Variants in CFAP54 observed in about 807,000 individuals in gnomAD.
The protein encoded by CFAP54 is cilia and flagella associated protein 54.
In CFAP54, 290 loss-of-function variants were observed where a neutral mutation model predicts 370.4. That is an observed-to-expected ratio of 0.78 (90% CI 0.71 to 0.86). The LOEUF (loss-of-function observed/expected upper bound fraction) is 0.86, where lower values mean the gene tolerates loss of function less well. Ranked by LOEUF, CFAP54 falls within the 40% of genes least tolerant of loss-of-function variation. CFAP54 has a pLI of 0.00. For synonymous variants in CFAP54, 1,206 were observed against 1,236.5 expected (o/e 0.98, Z 0.52); for missense variants, 3,399 against 3,528.7 (o/e 0.96, Z 0.93).
At chr12:96,829,144 G>C in intron 66 of CFAP54, 56 bp downstream of exon 66, 1 of 969,518 alleles carries the variant, frequency 1.0e-6, no homozygotes, top group South Asian at 1.7e-5. Flanking sequence ...TTATTGCTAT[G>C]AAATGGAAAT....
chr12:96,564,123 G>A (rs920912103), intron 17 of CFAP54, among the ~76,000 whole-genome samples: 4 of 152,120 alleles, frequency 2.6e-5, no homozygotes, highest in South Asian at 2.1e-4. Context: ...CAGCTTATTG[G>A]TATTGGTATC....
At chr12:96,573,698 GA>G (rs1157713214) in intron 19 of CFAP54, among the ~76,000 whole-genome samples, 1 of 152,182 alleles carries the variant, frequency 6.6e-6, no homozygotes, top group African/African-American at 2.4e-5. Flanking sequence ...GGCAATGGAG[GA>G]AACAGATGTC....
intron 31 of CFAP54, 128 bp from the exon 32 acceptor site, chr12:96,630,423 G>C (rs1956594538): frequency 1.6e-6 from 1 of 620,486 alleles, no homozygotes; most frequent in Non-Finnish European, 2.6e-6. Flanking sequence ...GCCTTTGATA[G>C]TAATTTTAAT....
chr12:96,594,234 G>A lies in CFAP54; in HGVS notation c.3361-57G>A, dbSNP rs1956153018. The A allele has an allele frequency of 2.5e-6, 3 of 1,223,664 alleles. No homozygotes were observed. The African/African-American group carries it at 4.5e-5, about 18-fold the overall frequency. 75.8% of individuals were successfully genotyped at this position (1,223,664 alleles called of 1,614,324 possible). ...ACATTTTCTACCCATTCTCCGTAGA[G>A]ACACATACGCTAAGCACCTATGTTC... On this transcript the variant is annotated intron_variant, in intron 24 of 67. Coordinates refer to ENST00000524981, the MANE Select transcript of CFAP54 (RefSeq NM_001306084.2).
chr12:96,854,491 A>G (rs940090741), intron 66 of CFAP54, among the ~76,000 whole-genome samples: 7 of 152,216 alleles, frequency 4.6e-5, no homozygotes, highest in Non-Finnish European at 1.0e-4. Context: ...GGTAAATGGC[A>G]TATGACTAAA....
intron 65 of CFAP54, among the ~76,000 whole-genome samples, chr12:96,818,628 C>T (rs1293649939): frequency 6.6e-6 from 1 of 152,244 alleles, no homozygotes. Flanking sequence ...AGTCATCTGG[C>T]ACACCTGTGT....
At chr12:96,618,894 T>G (rs565286874) in intron 26 of CFAP54, among the ~76,000 whole-genome samples, 2 of 152,108 alleles carry the variant, frequency 1.3e-5, no homozygotes, top group Admixed American at 6.5e-5. Flanking sequence ...GAATGTGTGT[T>G]TGTTTGTTTG....
At chr12:96,608,938 C>T (rs1314459930) in intron 26 of CFAP54, among the ~76,000 whole-genome samples, 1 of 152,140 alleles carries the variant, frequency 6.6e-6, no homozygotes, top group Non-Finnish European at 1.5e-5. Flanking sequence ...GTATATTGAT[C>T]ACTTCACTGA....
Position 96,630,544 on chromosome 12 carries a change from T to C in CFAP54, c.4216-7T>C. On this transcript the variant is annotated splice_polypyrimidine_tract_variant and splice_region_variant and intron_variant, in intron 31 of 67. Coordinates refer to ENST00000524981, the MANE Select transcript of CFAP54 (RefSeq NM_001306084.2). ...TTAACTTGTAACATTTTATCTCCTC[T>C]ATTAAGAGTGCAGAAATGCAACAAA... is the stretch of plus-strand genomic sequence containing the variant. 7.3e-7 allele frequency: 1 copy of C among 1,367,828 alleles called. No individual in the cohort carries two copies. The highest frequency in any genetic ancestry group is 9.7e-7 in the Non-Finnish European group (1 of 1,026,596). 84.7% of individuals were successfully genotyped at this position (1,367,828 alleles called of 1,614,324 possible).
intron 17 of CFAP54, among the ~76,000 whole-genome samples, chr12:96,563,190 C>T (rs1192049536): frequency 6.6e-6 from 1 of 152,100 alleles, no homozygotes; most frequent in Admixed American, 6.6e-5. Context: ...GAGTTTTGAT[C>T]ATAGACCACT....
chr12:96,787,696 G>A (rs1958642285), intron 62 of CFAP54, among the ~76,000 whole-genome samples: 1 of 152,168 alleles, frequency 6.6e-6, no homozygotes, highest in Non-Finnish European at 1.5e-5. Flanking sequence ...GATGGATAAA[G>A]CGTAGTCCCT....
rs531176566 is a variant in CFAP54 at position 96,505,059 on chromosome 12, C to T, written c.567+1030C>T. ...CTTTCTTTTCTTCCTTTCTTCCTTT[C>T]TTTCCTTTCTTTTCTTCTTTTTTTT... On this transcript the variant is annotated intron_variant, in intron 3 of 67. Coordinates refer to ENST00000524981, the MANE Select transcript of CFAP54 (RefSeq NM_001306084.2). 1.6e-3 allele frequency among the ~76,000 whole-genome samples: 202 copies of T among 129,046 alleles called. 1 individual carries two copies. Among genetic ancestry groups the T allele is most frequent in the Non-Finnish European group, 2.8e-3 (166 of 59,742 alleles). The allele number at this position is 129,046 out of a possible 152,430, so 84.7% of individuals were successfully genotyped here.
chr12:96,588,359 A>C (rs1297900285), intron 22 of CFAP54, among the ~76,000 whole-genome samples: 1 of 151,974 alleles, frequency 6.6e-6, no homozygotes, highest in Non-Finnish European at 1.5e-5. Flanking sequence ...TGAAATCTTC[A>C]TGTCTCCTTT....
chr12:96,650,512 C>T (rs1366388465), intron 35 of CFAP54, among the ~76,000 whole-genome samples: 5 of 152,172 alleles, frequency 3.3e-5, no homozygotes, highest in African/African-American at 7.2e-5. Flanking sequence ...GAACCCTGCC[C>T]TTGCCCCCGG....
At chr12:96,731,830 G>GAA (rs1386169584) in intron 50 of CFAP54, among the ~76,000 whole-genome samples, 9 of 151,934 alleles carry the variant, frequency 5.9e-5, no homozygotes, top group African/African-American at 2.2e-4. Flanking sequence ...AACAAAGTAG[G>GAA]AAAAGTTCAG....
intron 65 of CFAP54, among the ~76,000 whole-genome samples, chr12:96,819,102 T>G (rs1959004982): frequency 6.6e-6 from 1 of 152,252 alleles, no homozygotes; most frequent in Non-Finnish European, 1.5e-5. Context: ...AGGCAACCAC[T>G]TTCCACTTTT....
At chr12:96,618,235 G>T (rs1030207231) in intron 26 of CFAP54, among the ~76,000 whole-genome samples, 2 of 152,054 alleles carry the variant, frequency 1.3e-5, no homozygotes, top group Non-Finnish European at 2.9e-5. Context: ...CTTGCCAATG[G>T]CAACTTCTGC....
intron 64 of CFAP54, among the ~76,000 whole-genome samples, chr12:96,817,444 T>A (rs1184881437): frequency 6.9e-6 from 1 of 144,538 alleles, no homozygotes; most frequent in Non-Finnish European, 1.5e-5. Context: ...TTTTTTTTTT[T>A]CTGTCTCGCT....
chr12:96,708,593 T>G lies in CFAP54; in HGVS notation c.6529-15T>G, dbSNP rs757699360. The G allele has an allele frequency of 1.3e-6, 2 of 1,579,142 alleles. No homozygotes were observed. Among genetic ancestry groups the G allele is most frequent in the Non-Finnish European group, 1.7e-6 (2 of 1,170,204 alleles). ...TTTTTCTAATTTGCTCTTTTTCCTT[T>G]TTTCCATTTTTTAGGCAATTGATGA... On this transcript the variant is annotated splice_polypyrimidine_tract_variant and intron_variant, in intron 47 of 67. Coordinates refer to ENST00000524981, the MANE Select transcript of CFAP54 (RefSeq NM_001306084.2).
Sources: allele counts gnomAD v4.1 joint callset (sites outside exome capture counted in the v4.1 genomes callset), GRCh38; gene constraint gnomAD v4.1.1; transcripts MANE v1.5; gene names NCBI Gene and HGNC (gene_info 2026-07-23, HGNC 2026-07-21).